Variants in SLC43A2 observed in about 807,000 individuals in gnomAD.
The protein encoded by SLC43A2 is solute carrier family 43 member 2.
A neutral mutation model predicts 63.2 loss-of-function variants in SLC43A2; 38 were observed. That is an observed-to-expected ratio of 0.60 (90% confidence interval 0.46 to 0.79). SLC43A2 has a LOEUF of 0.79. SLC43A2 is among the 30% of genes least tolerant of loss of function. The pLI is 0.00. For missense variants in SLC43A2, 644 were observed against 756.2 expected, an observed-to-expected ratio of 0.85 and a Z score of 1.74; for synonymous variants, 322 against 331.0, an observed-to-expected ratio of 0.97 and a Z score of 0.30.
chr17:1,614,212 C>T (rs1439303231), intron 4 of SLC43A2, among the ~76,000 whole-genome samples: 3 of 152,050 alleles, frequency 2.0e-5, no homozygotes, highest in Non-Finnish European at 4.4e-5. Flanking sequence ...CATTGCACTC[C>T]AGCCCGGGCG....
At chr17:1,619,620 C>T (rs1188409835) in intron 2 of SLC43A2, among the ~76,000 whole-genome samples, 2 of 152,248 alleles carry the variant, frequency 1.3e-5, no homozygotes. Flanking sequence ...GCCTGGGCCA[C>T]TCGCCCATCC....
rs79037893 is a variant in SLC43A2, at chr17:1,578,396, C to T, written c.1351-73G>A. The T allele has an allele frequency of 0.021, 29,660 of 1,437,924 alleles. 711 individuals are homozygous for T. The highest frequency in any genetic ancestry group is 0.092 in the South Asian group (7,677 of 83,572). 89.1% of individuals were successfully genotyped at this position (1,437,924 alleles called of 1,614,324 possible). The stretch of plus-strand genomic sequence containing the variant: ...CCCCTCAGCCCCCGCCCTCCAATTC[C>T]TGGGGGCCCTCACCCCAGGGGCAGT... On this transcript the variant is annotated intron_variant, in intron 11 of 13. Coordinates refer to ENST00000301335, the MANE Select transcript of SLC43A2 (RefSeq NM_152346.3). The surrounding 1 kb of genome is among the most constrained non-coding windows in gnomAD (Gnocchi z 6.5).
At chr17:1,589,656 G>C (rs937127276) in intron 9 of SLC43A2, among the ~76,000 whole-genome samples, 1 of 152,178 alleles carries the variant, frequency 6.6e-6, no homozygotes, top group Non-Finnish European at 1.5e-5. Context: ...GTCGCACTCT[G>C]TCGCCCAGGC....
intron 4 of SLC43A2, among the ~76,000 whole-genome samples, chr17:1,613,559 C>G (rs56886756): frequency 6.6e-6 from 1 of 152,128 alleles, no homozygotes. Flanking sequence ...TTCAAGTGAT[C>G]CTCCTGCCTC....
At chr17:1,604,985 G>C in intron 5 of SLC43A2, 2 of 1,446,956 alleles carry the variant, frequency 1.4e-6, no homozygotes. Flanking sequence ...CGCGGGCCTC[G>C]AGGGCTGGCG....
chr17:1,569,781 G>A lies in SLC43A2; in HGVS notation c.*5823C>T, dbSNP rs976247740. ...CTATTTGGCCAAGTCTTACCAAAAC[G>A]TGAAAGCCACAAAAGAAAAGTGAAC... On this transcript the variant is annotated 3_prime_UTR_variant, in exon 14 of 14. Coordinates refer to ENST00000301335, the MANE Select transcript of SLC43A2 (RefSeq NM_152346.3). 3 of 151,968 alleles carry A rather than the reference G, an allele frequency of 2.0e-5. No homozygotes were observed. The highest frequency in any genetic ancestry group is 2.1e-4 in the South Asian group (1 of 4,826). 9.4% of individuals were successfully genotyped at this position (151,968 alleles called of 1,614,324 possible).
intron 11 of SLC43A2, among the ~76,000 whole-genome samples, chr17:1,582,708 A>G (rs1440268451): frequency 2.6e-5 from 4 of 152,228 alleles, no homozygotes; most frequent in African/African-American, 9.6e-5. Context: ...CAGCAAGCAC[A>G]GAGCCTGGCA....
chr17:1,614,612 A>G (rs367786722), intron 4 of SLC43A2, among the ~76,000 whole-genome samples: 1 of 152,068 alleles, frequency 6.6e-6, no homozygotes, highest in Non-Finnish European at 1.5e-5. Flanking sequence ...GCCATCCTTC[A>G]TGCTTTGGCC....
chr17:1,584,396 A>G (rs2076069176), intron 10 of SLC43A2, among the ~76,000 whole-genome samples: 1 of 152,126 alleles, frequency 6.6e-6, no homozygotes, highest in African/African-American at 2.4e-5. Flanking sequence ...TAAAATGGGT[A>G]TAACACTGGT....
Position 1,586,044 on chromosome 17 carries a change from G to C in SLC43A2, c.1086C>G (p.Leu362=), listed in dbSNP as rs199753823. ...GGAGCACGCCGAAGATGGAGGTGTAGAGGCCAACTGTGGAGGAAGGCGCTG... is the reference window on the plus strand; with the variant it reads ...GGAGCACGCCGAAGATGGAGGTGTACAGGCCAACTGTGGAGGAAGGCGCTG... ...LVSGDQKTVG[L]YTSIFGVLQL... Residue 362 remains leucine (L), a synonymous_variant, in exon 10 of 14, where the codon CTC becomes CTG. Coordinates refer to ENST00000301335, the MANE Select transcript of SLC43A2 (RefSeq NM_152346.3). The C allele has an allele frequency of 1.9e-6, 3 of 1,594,450 alleles. No individual in the cohort carries two copies. The highest frequency in any genetic ancestry group is 3.5e-5 in the Admixed American group (2 of 56,700).
At position 1,586,035 on chromosome 17, in the gene SLC43A2, G is replaced by A. The variant is rs748319417; in HGVS notation, c.1095C>T (p.Ser365=). 4 of 1,601,154 alleles carry A rather than the reference G, an allele frequency of 2.5e-6. No homozygotes were observed. The Admixed American group carries it at 5.2e-5, about 21-fold the overall frequency. ...GDQKTVGLYT[S]IFGVLQLLCL... The stretch of plus-strand genomic sequence containing the variant: ...ACAGCAGCTGGAGCACGCCGAAGAT[G>A]GAGGTGTAGAGGCCAACTGTGGAGG... The change falls in exon 10 of 14, where the codon TCC becomes TCT. Residue 365 remains serine, a synonymous_variant. Coordinates refer to ENST00000301335, the MANE Select transcript of SLC43A2 (RefSeq NM_152346.3).
At chr17:1,588,893 G>A (rs552449658) in intron 9 of SLC43A2, among the ~76,000 whole-genome samples, 79 of 152,288 alleles carry the variant, frequency 5.2e-4, no homozygotes, top group Non-Finnish European at 7.8e-4. Flanking sequence ...GCGGGTGGTC[G>A]CGGGGCCGTA....
At chr17:1,580,129 G>A (rs975188045) in intron 11 of SLC43A2, among the ~76,000 whole-genome samples, 7 of 152,102 alleles carry the variant, frequency 4.6e-5, no homozygotes, top group Non-Finnish European at 1.0e-4. Flanking sequence ...GTTTCACTAG[G>A]CTGGTCTCGA....
chr17:1,611,609 T>C (rs1907113278), intron 5 of SLC43A2, among the ~76,000 whole-genome samples: 1 of 143,742 alleles, frequency 7.0e-6, no homozygotes, highest in Non-Finnish European at 1.5e-5. Context: ...CACTCCAGCC[T>C]GGGCAACCGA....
At chr17:1,584,424 G>A (rs941914546) in intron 10 of SLC43A2, among the ~76,000 whole-genome samples, 2 of 152,146 alleles carry the variant, frequency 1.3e-5, no homozygotes, top group Non-Finnish European at 1.5e-5. Context: ...TCGCCAGGGT[G>A]CTGGGAGTCT....
Position 1,592,501 on chromosome 17 carries a change from T to G in SLC43A2, c.594+686A>C, listed in dbSNP as rs1181890058. 2.6e-5 allele frequency among the ~76,000 whole-genome samples: 4 copies of G among 152,130 alleles called. No homozygotes were observed. The South Asian group carries it at 6.2e-4, about 24-fold the overall frequency. ...GGGCATGAGAATCTCTGCAAGTCCA[T>G]AGGATGGCTGGCCCCAGAGTCCCAG... On this transcript the variant is annotated intron_variant, in intron 6 of 13. Coordinates refer to ENST00000301335, the MANE Select transcript of SLC43A2 (RefSeq NM_152346.3).
rs181240752 is a variant in SLC43A2, at chr17:1,585,390, C to T, written c.1217+523G>A. On this transcript the variant is annotated intron_variant, in intron 10 of 13. Transcript: ENST00000301335. Reference sequence around the variant, plus strand: ...CTGAGTAGCTGGGATTACAGGCGCGCGCCGCCACCGCACCTGGCTAATTTT... The same window carrying T: ...CTGAGTAGCTGGGATTACAGGCGCGTGCCGCCACCGCACCTGGCTAATTTT... 1.1e-3 allele frequency: 403 copies of T among 365,220 alleles called. 1 individual carries two copies. The highest frequency in any genetic ancestry group is 2.4e-3 in the Middle Eastern group (2 of 830). 22.6% of individuals were successfully genotyped at this position (365,220 alleles called of 1,614,324 possible). A position where few individuals can be genotyped will look rare whatever the true frequency, so the allele number is the denominator to read the frequency against.
chr17:1,613,196 G>A lies in SLC43A2; in HGVS notation c.500C>T (p.Thr167Ile). The A allele has an allele frequency of 6.2e-7, 1 of 1,612,938 alleles. No homozygotes were observed. The highest frequency in any genetic ancestry group is 8.5e-7 in the Non-Finnish European group (1 of 1,179,012). ...GAGCTTTAAAAAATCTGTACTCACT[G>A]TTAATGAGGTGAAGGTCATACACAT... Reference protein sequence around the residue: ...GGMCMTFTSLTLPNMFGDLRS... With the variant: ...GGMCMTFTSLILPNMFGDLRS... Residue 167 changes from threonine (T) to isoleucine (I), a missense_variant and splice_region_variant, in exon 5 of 14, where the codon ACA becomes ATA. Transcript: ENST00000301335.
chr17:1,598,799 G>A (rs187906285), intron 5 of SLC43A2, among the ~76,000 whole-genome samples: 35 of 152,268 alleles, frequency 2.3e-4, no homozygotes, highest in Admixed American at 7.8e-4. Context: ...GGAAGAGGCC[G>A]ACTCTCCATC....
Sources: allele counts gnomAD v4.1 joint callset (sites outside exome capture counted in the v4.1 genomes callset), GRCh38; gene constraint gnomAD v4.1.1; non-coding constraint Gnocchi (gnomAD v3.1); transcripts MANE v1.5; gene names NCBI Gene and HGNC (gene_info 2026-07-23, HGNC 2026-07-21).